LYRM4: variants seen among roughly 807,000 people sequenced by gnomAD.
The protein encoded by LYRM4 is LYR motif containing 4.
LYRM4 carries 9 observed loss-of-function variants against 11.7 expected under a neutral mutation model. The ratio of observed to expected loss-of-function variants is 0.77; its 90% CI spans 0.46 to 1.34. LYRM4 has a LOEUF of 1.34. Ranked by LOEUF, LYRM4 falls within the 40% of genes most tolerant of loss-of-function variation. The pLI, the probability that LYRM4 is intolerant of heterozygous loss-of-function variation, is 0.00. For missense variants in LYRM4, 133 were observed against 112.5 expected (o/e 1.18, Z -0.82); for synonymous variants, 42 against 40.4 (o/e 1.04, Z -0.15).
chr6:5,170,312 T>C (rs1759350678), intron 2 of LYRM4, among the ~76,000 whole-genome samples: 1 of 152,156 alleles, frequency 6.6e-6, no homozygotes, highest in Admixed American at 6.5e-5. Flanking sequence ...ATCAAAGACT[T>C]AACTGAAATC....
chr6:5,144,736 G>A (rs1757617669), intron 2 of LYRM4, among the ~76,000 whole-genome samples: 1 of 143,196 alleles, frequency 7.0e-6, no homozygotes, highest in South Asian at 2.5e-4. Flanking sequence ...AAATCACTTT[G>A]TTCCTGCCTG....
At chr6:5,042,034 G>A in the LYRM4 span, among the ~76,000 whole-genome samples, 16 of 152,284 alleles carry the variant, frequency 1.1e-4, no homozygotes, top group East Asian at 7.7e-4. Flanking sequence ...ATTTTTAAAA[G>A]CCTGAGTACT....
the LYRM4 span, among the ~76,000 whole-genome samples, chr6:5,057,527 G>A: frequency 6.6e-6 from 1 of 151,922 alleles, no homozygotes; most frequent in Admixed American, 6.6e-5. Context: ...GACCAGCCTG[G>A]CCAAGATGGT....
chr6:5,096,156 C>A, the LYRM4 span, among the ~76,000 whole-genome samples: 2 of 152,004 alleles, frequency 1.3e-5, no homozygotes, highest in Admixed American at 6.6e-5. Context: ...AGTTTTAAAC[C>A]ATTTCACAAT....
At chr6:5,216,818 C>T in intron 1 of LYRM4, 80 bp from the exon 2 acceptor site, 1 of 1,507,370 alleles carries the variant, frequency 6.6e-7, no homozygotes, top group Non-Finnish European at 8.9e-7. Flanking sequence ...TAAAGTTTTT[C>T]CTTTAGAATT....
chr6:5,216,596 G>A, intron 2 of LYRM4, 22 bp downstream of exon 2: 1 of 1,613,510 alleles, frequency 6.2e-7, no homozygotes, highest in East Asian at 2.2e-5. Flanking sequence ...ATGAAAAACA[G>A]TACATCATTG....
chr6:5,050,689 T>G, the LYRM4 span, among the ~76,000 whole-genome samples: 3 of 152,168 alleles, frequency 2.0e-5, no homozygotes, highest in African/African-American at 7.2e-5. Flanking sequence ...ACCTTAAGTT[T>G]ACAGTTAAGG....
At chr6:5,089,434 T>G in the LYRM4 span, 3 of 152,212 alleles carry the variant, frequency 2.0e-5, no homozygotes, top group Admixed American at 6.5e-5. Flanking sequence ...CATTTTGAAT[T>G]GTTTTGAATT....
In LYRM4 at chr6:5,144,823, C is replaced by T. The variant is rs1323936987; in HGVS notation, c.208-35332G>A. Among the ~76,000 whole-genome samples the T allele has an allele frequency of 2.0e-5, 3 of 152,136 alleles. No homozygotes were observed. The East Asian group carries it at 5.8e-4, about 29-fold the overall frequency. ...GCTGCCCGGCCTTCCCTGCAAACCT[C>T]CGTAATCCCTTCCCGCAGGTGTTTC... is the stretch of plus-strand genomic sequence containing the variant. On this transcript the variant is annotated intron_variant, in intron 2 of 2. Transcript: ENST00000330636.
intron 2 of LYRM4, among the ~76,000 whole-genome samples, chr6:5,182,265 A>T (rs1760120327): frequency 6.6e-6 from 1 of 152,232 alleles, no homozygotes; most frequent in African/African-American, 2.4e-5. Flanking sequence ...AATTAAACCA[A>T]TGATGTCAAT....
intron 2 of LYRM4, among the ~76,000 whole-genome samples, chr6:5,139,823 T>C (rs944173429): frequency 1.3e-5 from 2 of 149,620 alleles, no homozygotes; most frequent in African/African-American, 4.9e-5. Context: ...GGGTCATGCC[T>C]GTGACCCCAG....
the LYRM4 span, chr6:5,066,262 G>T: frequency 5.6e-6 from 4 of 720,286 alleles, no homozygotes; most frequent in Non-Finnish European, 1.0e-5. Context: ...TGGATTTCGG[G>T]GATCTGCCGT....
intron 2 of LYRM4, among the ~76,000 whole-genome samples, chr6:5,165,969 T>C (rs938700400): frequency 1.1e-4 from 16 of 152,346 alleles, no homozygotes; most frequent in Admixed American, 6.5e-4. Context: ...TTTAGATTAT[T>C]TAAGCAAACG....
At chr6:5,223,915 T>C (rs1342176239) in intron 1 of LYRM4, among the ~76,000 whole-genome samples, 1 of 152,210 alleles carries the variant, frequency 6.6e-6, no homozygotes, top group African/African-American at 2.4e-5. Context: ...TTCCATTATC[T>C]TGAGATAACG....
chr6:5,225,270 T>C (rs1490929454), intron 1 of LYRM4, among the ~76,000 whole-genome samples: 3 of 142,004 alleles, frequency 2.1e-5, no homozygotes, highest in Admixed American at 6.9e-5. Flanking sequence ...AAAAAAAAGA[T>C]GTTTAAAAAA....
chr6:5,185,983 A>T (rs1350208593), intron 2 of LYRM4, among the ~76,000 whole-genome samples: 2 of 152,188 alleles, frequency 1.3e-5, no homozygotes, highest in African/African-American at 4.8e-5. Flanking sequence ...CAGAATGGTC[A>T]GACGCTTTGG....
chr6:5,190,579 A>G (rs1340815219), intron 2 of LYRM4, among the ~76,000 whole-genome samples: 7 of 152,302 alleles, frequency 4.6e-5, no homozygotes, highest in South Asian at 4.2e-4. Flanking sequence ...TGAATTCCAA[A>G]AACCAGTCAT....
the LYRM4 span, among the ~76,000 whole-genome samples, chr6:5,051,294 G>T: frequency 4.6e-5 from 7 of 152,222 alleles, no homozygotes; most frequent in African/African-American, 1.4e-4. Context: ...TCCAAAATAT[G>T]ATAAAGACAT....
chr6:5,064,131 C>T, the LYRM4 span, among the ~76,000 whole-genome samples: 1 of 151,978 alleles, frequency 6.6e-6, no homozygotes, highest in Non-Finnish European at 1.5e-5. Flanking sequence ...TTGAAAGGGA[C>T]CCAGGTTTTA....
Sources: gnomAD v4.1 joint callset for allele counts (sites outside exome capture counted in the v4.1 genomes callset) on GRCh38, gnomAD v4.1.1 for gene constraint, MANE v1.5 for transcripts, NCBI Gene and HGNC (gene_info 2026-07-23, HGNC 2026-07-21) for gene names.